GTF2I: variants seen among roughly 807,000 people sequenced by gnomAD.
The protein encoded by GTF2I is general transcription factor II-I.
GTF2I carries 12 observed loss-of-function variants against 67.6 expected under a neutral mutation model. The ratio of observed to expected loss-of-function variants is 0.18; its 90% CI spans 0.11 to 0.29. GTF2I has a LOEUF of 0.29. Ranked by LOEUF, GTF2I falls within the 10% of genes least tolerant of loss-of-function variation. GTF2I has a pLI of 1.00. For missense variants in GTF2I, 271 were observed against 580.1 expected, an observed-to-expected ratio of 0.47 and a Z score of 5.47; for synonymous variants, 149 against 197.0, an observed-to-expected ratio of 0.76 and a Z score of 2.04.
rs962665837 is a variant in GTF2I, at chr7:74,704,245, T to A, written c.587-919T>A. ...TTATGTTAAATTTCAGACTTAAAAG[T>A]TTTTTTTAAACTTAATTATTATTTT... is the stretch of plus-strand genomic sequence containing the variant. On this transcript the variant is annotated intron_variant, in intron 6 of 34. Transcript: ENST00000573035. Among the ~76,000 whole-genome samples, 27 of 151,232 alleles carry A rather than the reference T, an allele frequency of 1.8e-4. 1 individual carries two copies. In the South Asian group the frequency reaches 2.3e-3, roughly 13 times the overall value.
chr7:74,674,488 T>C (rs1805727318), intron 1 of GTF2I, among the ~76,000 whole-genome samples: 1 of 152,276 alleles, frequency 6.6e-6, no homozygotes, highest in Middle Eastern at 3.4e-3. Flanking sequence ...TGGATGTCCT[T>C]TATTGCAAGA....
intron 6 of GTF2I, among the ~76,000 whole-genome samples, chr7:74,704,268 T>TTTTATTTATTCA (rs1790268764): frequency 6.9e-6 from 1 of 144,310 alleles, no homozygotes; most frequent in Non-Finnish European, 1.5e-5. Context: ...TAATTATTAT[T>TTTTATTTATTCA]TTTATTTATT....
At chr7:74,715,223 A>G (rs1438479880) in intron 10 of GTF2I, among the ~76,000 whole-genome samples, 2 of 152,036 alleles carry the variant, frequency 1.3e-5, no homozygotes, top group African/African-American at 2.4e-5. Flanking sequence ...TTACTGTTTT[A>G]TTGGTTAGTG....
chr7:74,671,745 G>C (rs966651363), intron 1 of GTF2I, among the ~76,000 whole-genome samples: 2 of 152,006 alleles, frequency 1.3e-5, no homozygotes, highest in East Asian at 3.9e-4. Context: ...ACTTTGAAAG[G>C]CCACGGTGGG....
At chr7:74,731,824 C>T (rs1794511667) in intron 14 of GTF2I, among the ~76,000 whole-genome samples, 1 of 150,776 alleles carries the variant, frequency 6.6e-6, no homozygotes, top group African/African-American at 2.4e-5. Flanking sequence ...GGATTACAGG[C>T]GTGAGCCGCT....
At chr7:74,686,549 C>G (rs1787739816) in intron 1 of GTF2I, among the ~76,000 whole-genome samples, 1 of 152,182 alleles carries the variant, frequency 6.6e-6, no homozygotes, top group African/African-American at 2.4e-5. Flanking sequence ...TGAAGAAATA[C>G]TATGAATTTT....
At chr7:74,719,631 G>A (rs1792683059) in intron 12 of GTF2I, among the ~76,000 whole-genome samples, 1 of 152,038 alleles carries the variant, frequency 6.6e-6, no homozygotes, top group Admixed American at 6.6e-5. Context: ...TTAAATTAAT[G>A]TCTCACAGCT....
At chr7:74,672,149 G>C (rs1554390882) in intron 1 of GTF2I, among the ~76,000 whole-genome samples, 1 of 152,016 alleles carries the variant, frequency 6.6e-6, no homozygotes, top group Non-Finnish European at 1.5e-5. Context: ...ACTAAAATGA[G>C]TTCTTTGGCT....
chr7:74,677,015 C>T (rs1554392591), intron 1 of GTF2I, among the ~76,000 whole-genome samples: 1 of 152,016 alleles, frequency 6.6e-6, no homozygotes, highest in Non-Finnish European at 1.5e-5. Context: ...GCCGAGATTA[C>T]GCCCCTGCAC....
At chr7:74,671,242 A>G (rs1324682204) in intron 1 of GTF2I, among the ~76,000 whole-genome samples, 1 of 151,730 alleles carries the variant, frequency 6.6e-6, no homozygotes, top group Non-Finnish European at 1.5e-5. Context: ...GTGCACCACC[A>G]CACCCGGCTA....
chr7:74,666,528 C>CA (rs1170486731), intron 1 of GTF2I, among the ~76,000 whole-genome samples: 4 of 55,184 alleles, frequency 7.2e-5, no homozygotes, highest in Non-Finnish European at 1.0e-4. Context: ...CGTTTTCCCC[C>CA]CCGGTAAGCA....
intron 1 of GTF2I, among the ~76,000 whole-genome samples, chr7:74,679,061 C>T (rs1466148369): frequency 2.0e-5 from 3 of 150,412 alleles, no homozygotes; most frequent in Admixed American, 6.7e-5. Context: ...TGAGCCACCG[C>T]GCCCAGCTAT....
In GTF2I at chr7:74,672,510, G is replaced by T. The variant is rs587656258; in HGVS notation, c.-6+14442G>T. On this transcript the variant is annotated intron_variant, in intron 1 of 34. Transcript: ENST00000573035. ...AGCCAGGATCGTGCCACTGTACTCC[G>T]GCCTGGGCAACAGAGTGAGACTCTG... 4.0e-5 allele frequency among the ~76,000 whole-genome samples: 6 copies of T among 151,776 alleles called. No individual in the cohort carries two copies. The East Asian group carries it at 1.2e-3, about 29-fold the overall frequency.
At chr7:74,699,298 G>GT (rs782542877) in intron 4 of GTF2I, among the ~76,000 whole-genome samples, 5,588 of 144,268 alleles carry the variant, frequency 0.039, 208 homozygotes, top group African/African-American at 0.098. Context: ...CTTTCTTTCT[G>GT]TTTTTTTTTT....
chr7:74,706,270 G>C (rs1314366638), intron 7 of GTF2I, 120 bp from the exon 8 acceptor site: 3 of 761,984 alleles, frequency 3.9e-6, no homozygotes, highest in African/African-American at 1.7e-5. Context: ...AGCTGAGTCA[G>C]GTTTGCACCC....
chr7:74,674,855 T>C (rs1584095893), intron 1 of GTF2I, among the ~76,000 whole-genome samples: 2 of 149,464 alleles, frequency 1.3e-5, no homozygotes, highest in African/African-American at 4.9e-5. Flanking sequence ...CCCTCTAATA[T>C]ATATATATAT....
intron 18 of GTF2I, among the ~76,000 whole-genome samples, chr7:74,737,220 A>C (rs1180832694): frequency 2.0e-5 from 3 of 149,592 alleles, no homozygotes; most frequent in Admixed American, 6.7e-5. Context: ...AAAATAGAAA[A>C]ATGCAATGAA....
chr7:74,706,780 T>C (rs1554401539), intron 8 of GTF2I, among the ~76,000 whole-genome samples: 1 of 152,238 alleles, frequency 6.6e-6, no homozygotes, highest in Non-Finnish European at 1.5e-5. Flanking sequence ...CTTCCTTCTC[T>C]GCACTCCTGT....
intron 1 of GTF2I, among the ~76,000 whole-genome samples, chr7:74,680,165 CATAT>C (rs1307756688): frequency 2.2e-5 from 3 of 138,132 alleles, no homozygotes; most frequent in Admixed American, 1.5e-4. Flanking sequence ...TATATACACA[CATAT>C]ATATAATTTT....
Sources: gnomAD v4.1 joint callset for allele counts (sites outside exome capture counted in the v4.1 genomes callset) on GRCh38, gnomAD v4.1.1 for gene constraint, MANE v1.5 for transcripts, NCBI Gene and HGNC (gene_info 2026-07-23, HGNC 2026-07-21) for gene names.